PTPRA: variants seen among roughly 807,000 people sequenced by gnomAD.
PTPRA encodes the protein protein tyrosine phosphatase receptor type A.
In PTPRA, 25 loss-of-function variants were observed where a neutral mutation model predicts 104.8. The ratio of observed to expected loss-of-function variants is 0.24; its 90% CI spans 0.17 to 0.33. The LOEUF (loss-of-function observed/expected upper bound fraction) is 0.33. PTPRA is among the 10% of genes least tolerant of loss of function. PTPRA has a pLI of 1.00. For missense variants in PTPRA, 765 were observed against 1,015.3 expected, an observed-to-expected ratio of 0.75 and a Z score of 3.35; for synonymous variants, 323 against 368.9, an observed-to-expected ratio of 0.88 and a Z score of 1.43.
intron 9 of PTPRA, among the ~76,000 whole-genome samples, chr20:2,990,009 C>T (rs1222946586): frequency 6.6e-6 from 1 of 151,872 alleles, no homozygotes; most frequent in Non-Finnish European, 1.5e-5. Context: ...AGAGGGAGAC[C>T]CCATCTCAAA....
chr20:2,915,109 T>C (rs2059854506), intron 1 of PTPRA, among the ~76,000 whole-genome samples: 1 of 151,996 alleles, frequency 6.6e-6, no homozygotes, highest in African/African-American at 2.4e-5. Context: ...GTTGGGGGTC[T>C]CACTGTGTTG....
chr20:2,870,997 T>G (rs1029124876), upstream of PTPRA, among the ~76,000 whole-genome samples: 4 of 152,038 alleles, frequency 2.6e-5, no homozygotes, highest in African/African-American at 9.7e-5. Context: ...GGGAGCCAAG[T>G]AGGATGGAGG....
intron 10 of PTPRA, among the ~76,000 whole-genome samples, 180 bp downstream of exon 10, chr20:3,005,326 A>G (rs2063812951): frequency 6.6e-6 from 1 of 152,156 alleles, no homozygotes; most frequent in South Asian, 2.1e-4. Flanking sequence ...AGGTGGGAGA[A>G]TCTCTTGAGC....
intron 1 of PTPRA, among the ~76,000 whole-genome samples, chr20:2,916,692 G>A (rs2059914811): frequency 6.6e-6 from 1 of 152,130 alleles, no homozygotes; most frequent in Non-Finnish European, 1.5e-5. Flanking sequence ...GTGACAGAGT[G>A]AGACACTGTC....
At chr20:2,998,881 AAT>A (rs1313909812) in intron 9 of PTPRA, among the ~76,000 whole-genome samples, 1 of 151,056 alleles carries the variant, frequency 6.6e-6, no homozygotes, top group Non-Finnish European at 1.5e-5. Flanking sequence ...TTATAGAATT[AAT>A]ATGACATATT....
intron 3 of PTPRA, among the ~76,000 whole-genome samples, chr20:2,956,558 CT>C (rs1480937780): frequency 6.6e-6 from 1 of 152,130 alleles, no homozygotes; most frequent in Admixed American, 6.5e-5. Flanking sequence ...AAGACTATGT[CT>C]GACCCTTGTC....
At chr20:2,997,216 A>T (rs1177943136) in intron 9 of PTPRA, among the ~76,000 whole-genome samples, 1 of 151,996 alleles carries the variant, frequency 6.6e-6, no homozygotes, top group Non-Finnish European at 1.5e-5. Context: ...TTTTTTTTTA[A>T]GTCTGAAAGA....
chr20:3,037,226 T>C lies in PTPRA; in HGVS notation c.2271T>C (p.Ile757=). Reference sequence around the variant, plus strand: ...TGGAGCGTGTGAAAGCAGAGGGGATTTTGGATGTCTTCCAGACTGTCAAGA... The same window carrying C: ...TGGAGCGTGTGAAAGCAGAGGGGATCTTGGATGTCTTCCAGACTGTCAAGA... ...TVLERVKAEG[I]LDVFQTVKSL... Residue 757 remains isoleucine (I), a synonymous_variant, in exon 23 of 24, where the codon ATT becomes ATC. Coordinates refer to ENST00000399903, the MANE Select transcript of PTPRA (RefSeq NM_001385305.1). This position sits in a 1 kb window ranked among gnomAD's most constrained non-coding sequence, Gnocchi z 4.3. The C allele has an allele frequency of 6.2e-7, 1 of 1,614,204 alleles. No individual in the cohort carries two copies. The highest frequency in any genetic ancestry group is 8.5e-7 in the Non-Finnish European group (1 of 1,180,038).
rs192367259 is a variant in PTPRA, at chr20:2,950,025, G to T, written c.-7+2001G>T. ...TATATTATTGTGTAAAAGTGAGCCT[G>T]TGATTTTCTTTCTTGTAATGTTTCT... On this transcript the variant is annotated intron_variant, in intron 3 of 23. Coordinates refer to ENST00000399903, the MANE Select transcript of PTPRA (RefSeq NM_001385305.1). The surrounding 1 kb of genome is among the most constrained non-coding windows in gnomAD (Gnocchi z 4.0). Among the ~76,000 whole-genome samples, 1 of 152,136 alleles carries T rather than the reference G, an allele frequency of 6.6e-6. No homozygotes were observed. The highest frequency in any genetic ancestry group is 6.5e-5 in the Admixed American group (1 of 15,276).
chr20:2,885,893 G>A (rs1291452170), intron 1 of PTPRA, among the ~76,000 whole-genome samples: 1 of 151,762 alleles, frequency 6.6e-6, no homozygotes, highest in African/African-American at 2.4e-5. Flanking sequence ...GTGAAACCCC[G>A]TCTCTACTAA....
At chr20:2,959,512 T>C (rs1256512253) in intron 3 of PTPRA, among the ~76,000 whole-genome samples, 2 of 152,226 alleles carry the variant, frequency 1.3e-5, no homozygotes, top group Admixed American at 6.5e-5. Context: ...AGTATTGTTA[T>C]GAGTTCTTGT....
intron 10 of PTPRA, among the ~76,000 whole-genome samples, chr20:3,006,408 G>A (rs1417285382): frequency 6.6e-6 from 1 of 151,994 alleles, no homozygotes. Context: ...CAAACTCTTG[G>A]CCTCAAGCAG....
chr20:2,865,996 C>G, the PTPRA span: 1 of 582,380 alleles, frequency 1.7e-6, no homozygotes, highest in Non-Finnish European at 3.1e-6. The surrounding 1 kb of genome is among the most constrained non-coding windows in gnomAD (Gnocchi z 5.2). Flanking sequence ...TAATTGGTCT[C>G]AAGTCTCTGA....
intron 2 of PTPRA, among the ~76,000 whole-genome samples, chr20:2,945,962 C>T (rs903154473): frequency 1.3e-5 from 2 of 151,408 alleles, no homozygotes; most frequent in Non-Finnish European, 2.9e-5. Flanking sequence ...ATATATATAT[C>T]TATATCTTTA....
At chr20:2,940,590 T>C (rs904386291) in intron 2 of PTPRA, among the ~76,000 whole-genome samples, 19 of 152,204 alleles carry the variant, frequency 1.2e-4, no homozygotes, top group African/African-American at 3.4e-4. Context: ...GAGACAGGTC[T>C]CACTTTGTCA....
Position 2,907,635 on chromosome 20 carries a change from A to G in PTPRA, c.-128-15572A>G, listed in dbSNP as rs377180439. ...GAGATTCCACTTTAGGTTATATGGA[A>G]TTAGTACTTTTTCACCTTCTTGTTT... On this transcript the variant is annotated intron_variant, in intron 1 of 23. Transcript: ENST00000399903. Among the ~76,000 whole-genome samples, 49 of 152,318 alleles carry G rather than the reference A, an allele frequency of 3.2e-4. No individual in the cohort carries two copies. In the South Asian group the frequency reaches 1.0e-2, roughly 31 times the overall value.
In PTPRA at chr20:3,022,826, T is replaced by C; in HGVS notation, c.1464+2T>C. 1 of 1,614,206 alleles carries C rather than the reference T, an allele frequency of 6.2e-7. No individual in the cohort carries two copies. The highest frequency in any genetic ancestry group is 8.5e-7 in the Non-Finnish European group (1 of 1,180,024). ...CGCTGCCAGATGGTGCAAACCGATG[T>C]GAGTGATCTGTGGGTCAGGTGAGGG... On this transcript the variant is annotated splice_donor_variant, in intron 16 of 23. Coordinates refer to ENST00000399903, the MANE Select transcript of PTPRA (RefSeq NM_001385305.1). LOFTEE classifies it high-confidence loss of function. The surrounding 1 kb of genome is among the most constrained non-coding windows in gnomAD (Gnocchi z 4.6).
At chr20:3,032,520 C>T (rs564243266) in intron 20 of PTPRA, among the ~76,000 whole-genome samples, 12 of 152,258 alleles carry the variant, frequency 7.9e-5, no homozygotes, top group African/African-American at 2.2e-4. Context: ...GTAATCCCAG[C>T]ACTTTGGGAG....
intron 16 of PTPRA, among the ~76,000 whole-genome samples, chr20:3,023,411 G>C (rs865983118): frequency 8.5e-5 from 13 of 152,150 alleles, no homozygotes; most frequent in East Asian, 3.8e-4. Flanking sequence ...TCTCCTGCTC[G>C]TCCCTGGGAA....
Sources: gnomAD v4.1 joint callset for allele counts (sites outside exome capture counted in the v4.1 genomes callset) on GRCh38, gnomAD v4.1.1 for gene constraint, Gnocchi (gnomAD v3.1) non-coding constraint, MANE v1.5 for transcripts, NCBI Gene and HGNC (gene_info 2026-07-23, HGNC 2026-07-21) for gene names.